Variants in DOCK1 observed in about 807,000 individuals in gnomAD.
The protein encoded by DOCK1 is dedicator of cytokinesis protein 1.
In DOCK1, 138 loss-of-function variants were observed where a neutral mutation model predicts 262.7. That is an observed-to-expected ratio of 0.53 (90% CI 0.46 to 0.61). The LOEUF (loss-of-function observed/expected upper bound fraction) is 0.61. Among genes scored for constraint, DOCK1 ranks in the 20% least tolerant of loss-of-function variants. The pLI is 0.00. For synonymous variants in DOCK1, 866 were observed against 867.4 expected, an observed-to-expected ratio of 1.00 and a Z score of 0.03; for missense variants, 1,908 against 2,370.7, an observed-to-expected ratio of 0.80 and a Z score of 4.05.
chr10:127,236,318 T>C (rs2059050002), intron 27 of DOCK1, among the ~76,000 whole-genome samples: 1 of 147,488 alleles, frequency 6.8e-6, no homozygotes, highest in East Asian at 2.0e-4. Context: ...CCTTTCTTTC[T>C]CCCTCCCTCC....
chr10:127,004,295 G>A (rs1046665906), intron 10 of DOCK1, among the ~76,000 whole-genome samples: 2 of 151,756 alleles, frequency 1.3e-5, no homozygotes, highest in African/African-American at 4.8e-5. Context: ...GGACCTGATC[G>A]TTCTGCTTGT....
intron 1 of DOCK1, among the ~76,000 whole-genome samples, chr10:126,909,512 CTT>C (rs549771662): frequency 2.1e-3 from 326 of 152,288 alleles, no homozygotes; most frequent in African/African-American, 7.5e-3. Context: ...GTGAGGCTCT[CTT>C]GCACCCTTGA....
intron 16 of DOCK1, among the ~76,000 whole-genome samples, chr10:127,028,974 G>A (rs577053323): frequency 3.7e-4 from 57 of 152,312 alleles, no homozygotes; most frequent in African/African-American, 1.3e-3. Context: ...CAGAGGACTC[G>A]TCTCAAAATT....
chr10:127,029,601 A>G (rs540398228), intron 16 of DOCK1, among the ~76,000 whole-genome samples: 122 of 152,306 alleles, frequency 8.0e-4, no homozygotes, highest in South Asian at 1.5e-3. Context: ...GAGAATGGGC[A>G]GCTCTACCCA....
chr10:127,190,185 C>T (rs1376519980), intron 27 of DOCK1, among the ~76,000 whole-genome samples: 1 of 152,230 alleles, frequency 6.6e-6, no homozygotes, highest in East Asian at 1.9e-4. Context: ...TTCTACCCAA[C>T]TGAATTTTCA....
At chr10:127,126,869 T>C (rs1168413102) in intron 26 of DOCK1, among the ~76,000 whole-genome samples, 2 of 152,176 alleles carry the variant, frequency 1.3e-5, no homozygotes, top group African/African-American at 4.8e-5. Flanking sequence ...TAGCCCTGGC[T>C]CATTCTCTCA....
intron 29 of DOCK1, among the ~76,000 whole-genome samples, chr10:127,306,014 G>GTT (rs534023263): frequency 4.0e-4 from 52 of 131,566 alleles, no homozygotes; most frequent in Non-Finnish European, 6.0e-4. Flanking sequence ...TTTTTTCCTG[G>GTT]TTTTTTTTTT....
intron 4 of DOCK1, among the ~76,000 whole-genome samples, chr10:126,984,879 T>G (rs1324585209): frequency 6.6e-6 from 1 of 151,816 alleles, no homozygotes; most frequent in African/African-American, 2.4e-5. Flanking sequence ...GTCACCTTGG[T>G]GTAGGATAGG....
chr10:127,090,372 A>C (rs898055780), intron 23 of DOCK1, among the ~76,000 whole-genome samples: 1 of 152,006 alleles, frequency 6.6e-6, no homozygotes, highest in Non-Finnish European at 1.5e-5. Flanking sequence ...GGTCTGCTGC[A>C]GTGTGAGTGA....
chr10:127,259,663 G>C (rs1229744115), intron 29 of DOCK1, among the ~76,000 whole-genome samples: 1 of 152,148 alleles, frequency 6.6e-6, no homozygotes, highest in Non-Finnish European at 1.5e-5. Context: ...TGGATTCCGT[G>C]GCCCTGGGTG....
chr10:127,366,554 C>T (rs1309950607), intron 33 of DOCK1, among the ~76,000 whole-genome samples: 1 of 152,196 alleles, frequency 6.6e-6, no homozygotes, highest in Non-Finnish European at 1.5e-5. Flanking sequence ...TATTCCTGGG[C>T]CACAGTATTT....
intron 10 of DOCK1, among the ~76,000 whole-genome samples, chr10:127,001,853 T>C (rs968545737): frequency 6.6e-5 from 10 of 152,168 alleles, no homozygotes; most frequent in African/African-American, 2.4e-4. Context: ...GGAAATCCTT[T>C]TGCATTTTCA....
intron 27 of DOCK1, among the ~76,000 whole-genome samples, chr10:127,204,110 T>C (rs7918135): frequency 0.17 from 25,642 of 152,040 alleles, 2,400 homozygotes; most frequent in African/African-American, 0.25. Context: ...GGACGGAGGC[T>C]TCTGAGTGAT....
At chr10:127,053,274 G>A (rs1054240255) in intron 22 of DOCK1, among the ~76,000 whole-genome samples, 3 of 152,164 alleles carry the variant, frequency 2.0e-5, no homozygotes, top group Non-Finnish European at 4.4e-5. Flanking sequence ...CCCGGGAGGC[G>A]GAGCTTGCAG....
chr10:127,087,653 T>C (rs937933792), intron 23 of DOCK1, among the ~76,000 whole-genome samples: 4 of 152,138 alleles, frequency 2.6e-5, no homozygotes, highest in Non-Finnish European at 5.9e-5. Context: ...CTGTGCAGTT[T>C]AGGGTAGTAG....
chr10:127,426,075 G>A (rs2068795024), intron 47 of DOCK1, 64 bp downstream of exon 47: 1 of 1,605,318 alleles, frequency 6.2e-7, no homozygotes, highest in African/African-American at 1.3e-5. Flanking sequence ...CTGTTGAACA[G>A]GGACAAGCTT....
chr10:127,440,370 T>C (rs1456530680), intron 49 of DOCK1, among the ~76,000 whole-genome samples: 2 of 152,044 alleles, frequency 1.3e-5, no homozygotes, highest in African/African-American at 4.8e-5. Flanking sequence ...CCGAGCTGTA[T>C]CAGAGTCTGA....
chr10:126,949,043 A>G (rs1177871943), intron 1 of DOCK1, among the ~76,000 whole-genome samples: 1 of 151,772 alleles, frequency 6.6e-6, no homozygotes, highest in South Asian at 2.1e-4. Flanking sequence ...TTCCCTGGCC[A>G]CCCTTCGGGA....
At position 127,209,011 on chromosome 10, in the gene DOCK1, G is replaced by T. The variant is rs1252136961; in HGVS notation, c.2848-38997G>T. Among the ~76,000 whole-genome samples, 3 of 152,266 alleles carry T rather than the reference G, an allele frequency of 2.0e-5. No homozygotes were observed. The Middle Eastern group carries it at 0.01, about 518-fold the overall frequency. On this transcript the variant is annotated intron_variant, in intron 27 of 51. Transcript: ENST00000623213. ...GATGGCTTTTTGTTTACCTAGCGAT[G>T]AAAAGCTTAACCTACACTGCATTTT...
Sources: gnomAD v4.1 joint callset for allele counts (sites outside exome capture counted in the v4.1 genomes callset) on GRCh38, gnomAD v4.1.1 for gene constraint, MANE v1.5 for transcripts, NCBI Gene and HGNC (gene_info 2026-07-23, HGNC 2026-07-21) for gene names.